The following GABRG1 variants were observed in gnomAD, a reference collection of about 807,000 sequenced individuals.
GABRG1 encodes gamma-aminobutyric acid receptor subunit gamma-1.
In GABRG1, 49 loss-of-function variants were observed where a neutral mutation model predicts 49.8. The ratio of observed to expected loss-of-function variants is 0.98; its 90% CI spans 0.78 to 1.25. The LOEUF is 1.25. GABRG1 is among the 50% of genes most tolerant of loss of function. The pLI, the probability that GABRG1 is intolerant of heterozygous loss-of-function variation, is 0.00. For missense variants in GABRG1, 552 were observed against 552.3 expected (o/e 1.00, Z 0.01); for synonymous variants, 232 against 185.1 (o/e 1.25, Z -2.06).
intron 1 of GABRG1, among the ~76,000 whole-genome samples, chr4:46,121,132 A>G (rs1227128310): frequency 2.6e-5 from 4 of 151,908 alleles, no homozygotes; most frequent in African/African-American, 9.7e-5. Flanking sequence ...GAAATTAATG[A>G]GGAAACTAAG....
intron 7 of GABRG1, among the ~76,000 whole-genome samples, chr4:46,056,303 C>T (rs1274507260): frequency 1.3e-5 from 2 of 151,944 alleles, no homozygotes; most frequent in Non-Finnish European, 2.9e-5. Flanking sequence ...TCAGCTCCAA[C>T]CACATTTGTC....
At chr4:46,079,149 T>C (rs1719469555) in intron 3 of GABRG1, among the ~76,000 whole-genome samples, 2 of 151,944 alleles carry the variant, frequency 1.3e-5, no homozygotes, top group South Asian at 4.2e-4. Flanking sequence ...TGGGCATTCC[T>C]GTTACATATT....
intron 8 of GABRG1, among the ~76,000 whole-genome samples, chr4:46,046,221 A>G (rs1010708644): frequency 3.9e-5 from 6 of 152,100 alleles, no homozygotes; most frequent in African/African-American, 1.4e-4. Context: ...CTCAATGATT[A>G]ATCTGGTCCC....
At chr4:46,092,703 T>TA (rs35499257) in intron 2 of GABRG1, among the ~76,000 whole-genome samples, 43 of 151,752 alleles carry the variant, frequency 2.8e-4, no homozygotes, top group South Asian at 8.3e-4. Flanking sequence ...ACATATTTCC[T>TA]AAAAAAAATT....
chr4:46,108,189 A>G (rs1167116064), intron 1 of GABRG1, among the ~76,000 whole-genome samples: 1 of 151,150 alleles, frequency 6.6e-6, no homozygotes, highest in Admixed American at 6.6e-5. Context: ...TTTAGCTAGA[A>G]GGGAACATGA....
chr4:46,090,841 C>CA lies in GABRG1; in HGVS notation c.253+6359dup, dbSNP rs1178488826. 4.0e-5 allele frequency among the ~76,000 whole-genome samples: 6 copies of CA among 151,790 alleles called. No individual in the cohort carries two copies. In the East Asian group the frequency reaches 1.2e-3, roughly 30 times the overall value. The stretch of plus-strand genomic sequence containing the variant: ...GCACAGCAATAGTGACTGAACAGAA[C>CA]AGAGCAGCTTAGAGCTTTTAGATCT... On this transcript the variant is annotated intron_variant, in intron 2 of 8. Transcript: ENST00000295452.
chr4:46,122,170 G>C (rs529206354), intron 1 of GABRG1, among the ~76,000 whole-genome samples: 1 of 152,044 alleles, frequency 6.6e-6, no homozygotes, highest in Non-Finnish European at 1.5e-5. Flanking sequence ...AATTCTGGGA[G>C]CTTGATGTAA....
intron 1 of GABRG1, among the ~76,000 whole-genome samples, chr4:46,122,984 A>G (rs1721134235): frequency 6.6e-6 from 1 of 152,016 alleles, no homozygotes. Flanking sequence ...TATGTCTACC[A>G]GAATGACTTA....
At chr4:46,120,068 T>G (rs937758754) in intron 1 of GABRG1, among the ~76,000 whole-genome samples, 1 of 151,632 alleles carries the variant, frequency 6.6e-6, no homozygotes, top group Non-Finnish European at 1.5e-5. Flanking sequence ...CTAATGAAGA[T>G]TTTCTGCCTC....
chr4:46,088,573 A>G (rs1719864880), intron 2 of GABRG1, among the ~76,000 whole-genome samples: 1 of 151,904 alleles, frequency 6.6e-6, no homozygotes, highest in Non-Finnish European at 1.5e-5. Context: ...AGGCTTTCCA[A>G]TATGCAGTCA....
chr4:46,120,908 T>C (rs1721074262), intron 1 of GABRG1, among the ~76,000 whole-genome samples: 1 of 151,754 alleles, frequency 6.6e-6, no homozygotes, highest in South Asian at 2.1e-4. Context: ...TTTAAATTCT[T>C]TTTAAAAACC....
chr4:46,099,085 A>C (rs929618373), intron 1 of GABRG1, among the ~76,000 whole-genome samples: 1 of 151,704 alleles, frequency 6.6e-6, no homozygotes. Context: ...TCCACGGATT[A>C]ATAACAGTGT....
At chr4:46,106,046 A>G (rs1163076368) in intron 1 of GABRG1, among the ~76,000 whole-genome samples, 1 of 151,372 alleles carries the variant, frequency 6.6e-6, no homozygotes, top group Non-Finnish European at 1.5e-5. Flanking sequence ...CTACTGAACT[A>G]CACTGTGACC....
At chr4:46,117,799 C>T (rs908045465) in intron 1 of GABRG1, among the ~76,000 whole-genome samples, 20 of 131,026 alleles carry the variant, frequency 1.5e-4, no homozygotes, top group African/African-American at 3.8e-4. Context: ...TACATATATA[C>T]ATATGTATAC....
chr4:46,066,456 C>T (rs186064888), intron 3 of GABRG1, among the ~76,000 whole-genome samples: 13 of 152,260 alleles, frequency 8.5e-5, no homozygotes, highest in Non-Finnish European at 1.3e-4. Flanking sequence ...GAAATATGTA[C>T]TACTATAATC....
chr4:46,042,323 T>C (rs1432824266), intron 8 of GABRG1, among the ~76,000 whole-genome samples: 1 of 151,882 alleles, frequency 6.6e-6, no homozygotes, highest in Non-Finnish European at 1.5e-5. Context: ...CACATAAAAA[T>C]GTTACTGGAA....
At chr4:46,105,784 A>AGATAGAT (rs1351356978) in intron 1 of GABRG1, among the ~76,000 whole-genome samples, 1 of 127,636 alleles carries the variant, frequency 7.8e-6, no homozygotes, top group Non-Finnish European at 1.7e-5. Flanking sequence ...ATGGATGGGT[A>AGATAGAT]GATAGATGAT....
At chr4:46,114,777 A>T (rs1720833793) in intron 1 of GABRG1, among the ~76,000 whole-genome samples, 1 of 151,250 alleles carries the variant, frequency 6.6e-6, no homozygotes, top group South Asian at 2.1e-4. Context: ...ATAACCTAAC[A>T]TAAAGCTAAT....
At chr4:46,065,666 TA>T in intron 3 of GABRG1, 82 bp from the exon 4 acceptor site, 1 of 693,542 alleles carries the variant, frequency 1.4e-6, no homozygotes, top group Non-Finnish European at 2.4e-6. Context: ...TTTTGTATTG[TA>T]AAGTTTCTGC....
Sources: gnomAD v4.1 joint callset for allele counts (sites outside exome capture counted in the v4.1 genomes callset) on GRCh38, gnomAD v4.1.1 for gene constraint, MANE v1.5 for transcripts, NCBI Gene and HGNC (gene_info 2026-07-23, HGNC 2026-07-21) for gene names.